CSMD2: variants seen among roughly 807,000 people sequenced by gnomAD.
CSMD2 encodes the protein CUB and sushi domain-containing protein 2.
In CSMD2, 130 loss-of-function variants were observed where a neutral mutation model predicts 398.5. The observed-to-expected ratio is 0.33, with a 90% CI of 0.28 to 0.38. CSMD2 has a LOEUF of 0.38. Among genes scored for constraint, CSMD2 ranks in the 10% least tolerant of loss-of-function variants. The probability of loss-of-function intolerance (pLI) is 1.00; values close to 1 mark genes in which losing one functional copy is unlikely to be tolerated. For synonymous variants in CSMD2, 1,828 were observed against 1,908.5 expected (o/e 0.96, Z 1.10); for missense variants, 3,829 against 4,764.9 (o/e 0.80, Z 5.78).
chr1:33,543,465 G>A (rs1195933427), intron 57 of CSMD2, among the ~76,000 whole-genome samples: 1 of 152,286 alleles, frequency 6.6e-6, no homozygotes, highest in South Asian at 2.1e-4. Context: ...ATCAAGTTCC[G>A]CCTTTTGGCA....
At chr1:33,942,564 T>G (rs969615048) in intron 3 of CSMD2, among the ~76,000 whole-genome samples, 6 of 152,256 alleles carry the variant, frequency 3.9e-5, no homozygotes, top group African/African-American at 1.4e-4. Context: ...TTCTCTCGAC[T>G]CATGTTTGTG....
At chr1:34,090,903 T>A (rs566791150) in intron 1 of CSMD2, among the ~76,000 whole-genome samples, 1 of 152,342 alleles carries the variant, frequency 6.6e-6, no homozygotes, top group South Asian at 2.1e-4. Context: ...CCCAGCTTCA[T>A]ATCCACCAGC....
At chr1:33,933,651 G>A (rs1429581016) in intron 4 of CSMD2, among the ~76,000 whole-genome samples, 2 of 152,096 alleles carry the variant, frequency 1.3e-5, no homozygotes, top group African/African-American at 2.4e-5. Context: ...TATAAGGAAG[G>A]GCAGATACAG....
At chr1:33,899,528 A>G (rs548075846) in intron 5 of CSMD2, among the ~76,000 whole-genome samples, 1 of 151,772 alleles carries the variant, frequency 6.6e-6, no homozygotes, top group South Asian at 2.1e-4. Flanking sequence ...ATCAGTGTAG[A>G]CTCCTGGCAT....
In CSMD2 at chr1:33,624,999, A is replaced by G; in HGVS notation, c.5500+52T>C. On this transcript the variant is annotated intron_variant, in intron 34 of 70. Transcript: ENST00000373381. This position sits in a 1 kb window ranked among gnomAD's most constrained non-coding sequence, Gnocchi z 4.7. ...GGCTGACTGCCTCCCCTACAGAGAA[A>G]GGACTACGTGCCGCCCCCCGCACCC... is the stretch of plus-strand genomic sequence containing the variant. The G allele has an allele frequency of 3.8e-6, 6 of 1,563,002 alleles. No individual in the cohort carries two copies. The highest frequency in any genetic ancestry group is 5.3e-6 in the Non-Finnish European group (6 of 1,135,444).
intron 52 of CSMD2, among the ~76,000 whole-genome samples, 179 bp downstream of exon 52, chr1:33,569,195 C>G (rs1364259624): frequency 2.0e-5 from 3 of 152,128 alleles, no homozygotes; most frequent in Non-Finnish European, 4.4e-5. Context: ...TTGGGTGGCC[C>G]AGGAGAAGCT....
At position 33,614,524 on chromosome 1, in the gene CSMD2, A is replaced by G. The variant is rs1380237206; in HGVS notation, c.6113T>C (p.Ile2038Thr). ...YPSNMDCSWK[I>T]ALPVGFGAHI... ...CTTACCAAAGCCCACGGGCAGTGCT[A>G]TTTTCCAGGAGCAGTCCATGTTACT... Residue 2038 changes from isoleucine to threonine, a missense_variant, in exon 40 of 71, where the codon ATA becomes ACA. Transcript: ENST00000373381. The G allele has an allele frequency of 3.1e-6, 5 of 1,605,610 alleles. No homozygotes were observed.
At chr1:33,831,789 T>C (rs1221824696) in intron 6 of CSMD2, among the ~76,000 whole-genome samples, 1 of 151,588 alleles carries the variant, frequency 6.6e-6, no homozygotes, top group African/African-American at 2.4e-5. Flanking sequence ...GAGACACACA[T>C]AGGCTCAAAA....
chr1:33,906,439 A>G (rs1001006944), intron 5 of CSMD2, among the ~76,000 whole-genome samples: 1 of 152,236 alleles, frequency 6.6e-6, no homozygotes, highest in African/African-American at 2.4e-5. Context: ...GAGATCAGTA[A>G]GGAGGCTATT....
chr1:34,120,321 G>A (rs1429462594), intron 1 of CSMD2, among the ~76,000 whole-genome samples: 1 of 152,156 alleles, frequency 6.6e-6, no homozygotes, highest in Non-Finnish European at 1.5e-5. Flanking sequence ...TGCTCAATGG[G>A]TGTAGCGTTG....
At chr1:33,898,717 G>A (rs1334628513) in intron 5 of CSMD2, among the ~76,000 whole-genome samples, 2 of 152,180 alleles carry the variant, frequency 1.3e-5, no homozygotes, top group African/African-American at 4.8e-5. Flanking sequence ...TGAGGGCATT[G>A]AGGGGGAAGC....
intron 23 of CSMD2, among the ~76,000 whole-genome samples, chr1:33,700,307 A>T (rs1452951019): frequency 6.6e-6 from 1 of 152,136 alleles, no homozygotes; most frequent in Admixed American, 6.5e-5. Context: ...GTGCCCGGCC[A>T]CTTCACTCCT....
Position 34,163,726 on chromosome 1 carries a change from A to C in CSMD2, c.187+1185T>G, listed in dbSNP as rs1641577878. Among the ~76,000 whole-genome samples, 1 of 152,200 alleles carries C rather than the reference A, an allele frequency of 6.6e-6. No individual in the cohort carries two copies. Among genetic ancestry groups the C allele is most frequent in the Non-Finnish European group, 1.5e-5 (1 of 68,014 alleles). ...AGGTGCCCTAGGTCTAGGCCTGGCCAGCAGGTGTTTCGGTTTCTCCCCCAG... is the reference window on the plus strand; with the variant it reads ...AGGTGCCCTAGGTCTAGGCCTGGCCCGCAGGTGTTTCGGTTTCTCCCCCAG... On this transcript the variant is annotated intron_variant, in intron 1 of 70. Transcript: ENST00000373381. This position sits in a 1 kb window ranked among gnomAD's most constrained non-coding sequence, Gnocchi z 5.4.
intron 3 of CSMD2, among the ~76,000 whole-genome samples, chr1:34,030,434 C>A (rs1650267003): frequency 6.6e-6 from 1 of 152,152 alleles, no homozygotes; most frequent in Admixed American, 6.5e-5. Context: ...TCCAATAAAA[C>A]TTTATTTACA....
At chr1:33,790,576 T>C (rs1245582523) in intron 11 of CSMD2, among the ~76,000 whole-genome samples, 1 of 152,180 alleles carries the variant, frequency 6.6e-6, no homozygotes, top group Non-Finnish European at 1.5e-5. Context: ...TTAACTCACC[T>C]GGAAGATCTT....
At chr1:33,668,210 G>GCAGGGC (rs1022480479) in intron 25 of CSMD2, among the ~76,000 whole-genome samples, 82 of 152,314 alleles carry the variant, frequency 5.4e-4, no homozygotes, top group Middle Eastern at 3.4e-3. Context: ...GTAGGCAGGG[G>GCAGGGC]CAGGGCTGGC....
intron 44 of CSMD2, chr1:33,600,075 A>G (rs1640111356): frequency 1.0e-5 from 7 of 674,502 alleles, no homozygotes; most frequent in Non-Finnish European, 1.6e-5. Flanking sequence ...TTACTACCTC[A>G]CAGAATTCTT....
chr1:33,917,877 T>C (rs1643805616), intron 5 of CSMD2, among the ~76,000 whole-genome samples: 1 of 152,218 alleles, frequency 6.6e-6, no homozygotes, highest in Non-Finnish European at 1.5e-5. Context: ...AGAACATGTT[T>C]CAAATCAGAT....
intron 12 of CSMD2, among the ~76,000 whole-genome samples, chr1:33,779,790 T>C (rs1488021404): frequency 1.3e-5 from 2 of 152,232 alleles, no homozygotes; most frequent in South Asian, 2.1e-4. Context: ...TGTTTCCCAC[T>C]GTTAATTGGT....
Sources: gnomAD v4.1 joint callset for allele counts (sites outside exome capture counted in the v4.1 genomes callset) on GRCh38, gnomAD v4.1.1 for gene constraint, Gnocchi (gnomAD v3.1) non-coding constraint, MANE v1.5 for transcripts, NCBI Gene and HGNC (gene_info 2026-07-23, HGNC 2026-07-21) for gene names.